Variants in ASZ1 observed in about 807,000 individuals in gnomAD.
The protein encoded by ASZ1 is ankyrin repeat, SAM and basic leucine zipper domain containing 1.
ASZ1 carries 67 observed loss-of-function variants against 61.8 expected under a neutral mutation model. The observed-to-expected ratio is 1.08, with a 90% CI of 0.89 to 1.33. ASZ1 has a LOEUF of 1.33. Ranked by LOEUF, ASZ1 falls within the 40% of genes most tolerant of loss-of-function variation. The probability of loss-of-function intolerance (pLI) is 0.00; values close to 1 mark genes in which losing one functional copy is unlikely to be tolerated. For missense variants in ASZ1, 577 were observed against 554.5 expected, an observed-to-expected ratio of 1.04 and a Z score of -0.41; for synonymous variants, 193 against 192.7, an observed-to-expected ratio of 1.00 and a Z score of -0.01.
intron 2 of ASZ1, among the ~76,000 whole-genome samples, chr7:117,426,054 G>C (rs1363380116): frequency 6.6e-6 from 1 of 151,984 alleles, no homozygotes; most frequent in Admixed American, 6.5e-5. Context: ...CCTCTTCCAA[G>C]AAACCAGAGT....
chr7:117,372,600 T>G (rs1159828330), intron 10 of ASZ1, among the ~76,000 whole-genome samples: 1 of 152,172 alleles, frequency 6.6e-6, no homozygotes, highest in Non-Finnish European at 1.5e-5. Flanking sequence ...ACAGGCCATT[T>G]AAAAAATTTG....
Position 117,412,039 on chromosome 7 carries a change from AGTGTGTGTGTGT to A in ASZ1, c.440+8112_440+8123del, listed in dbSNP as rs57672347. On this transcript the variant is annotated intron_variant, in intron 4 of 12. Coordinates refer to ENST00000284629, the MANE Select transcript of ASZ1 (RefSeq NM_130768.3). Reference sequence around the variant, plus strand: ...GAAAGATCCCAAACAAGTGAAAAGAAGTGTGTGTGTGTGTGTGTGTGTGTGTGTGTGTGTGTG... The same window carrying A: ...GAAAGATCCCAAACAAGTGAAAAGAAGTGTGTGTGTGTGTGTGTGTGTGTG... 4.8e-3 allele frequency among the ~76,000 whole-genome samples: 611 copies of A among 128,436 alleles called. 8 individuals carry two copies. In the East Asian group the frequency reaches 0.082, roughly 17 times the overall value. 84.3% of individuals were successfully genotyped at this position (128,436 alleles called of 152,430 possible). A position where few individuals can be genotyped will look rare whatever the true frequency, so the allele number is the denominator to read the frequency against.
At chr7:117,366,062 G>A (rs1795931142) in intron 12 of ASZ1, among the ~76,000 whole-genome samples, 1 of 152,192 alleles carries the variant, frequency 6.6e-6, no homozygotes, top group African/African-American at 2.4e-5. Flanking sequence ...TCAGGAGTTT[G>A]AGACCAGTCT....
At chr7:117,364,945 T>C (rs1795905881) in intron 12 of ASZ1, among the ~76,000 whole-genome samples, 1 of 151,848 alleles carries the variant, frequency 6.6e-6, no homozygotes, top group African/African-American at 2.4e-5. Context: ...AAGTCTAGCC[T>C]TGACCTCTCC....
chr7:117,377,119 C>T (rs1562846838), intron 10 of ASZ1, among the ~76,000 whole-genome samples: 1 of 151,886 alleles, frequency 6.6e-6, no homozygotes, highest in Non-Finnish European at 1.5e-5. Flanking sequence ...CACATGGAAA[C>T]AAATAAAAAG....
At chr7:117,414,835 G>C (rs1562859759) in intron 4 of ASZ1, among the ~76,000 whole-genome samples, 1 of 152,116 alleles carries the variant, frequency 6.6e-6, no homozygotes, top group Non-Finnish European at 1.5e-5. Context: ...TGGCTGCATA[G>C]TATTCCATGG....
chr7:117,386,603 G>A (rs907063090), intron 4 of ASZ1, among the ~76,000 whole-genome samples: 1 of 152,002 alleles, frequency 6.6e-6, no homozygotes, highest in African/African-American at 2.4e-5. Flanking sequence ...TTCCTGAGTC[G>A]TCCTCAAGAT....
intron 4 of ASZ1, among the ~76,000 whole-genome samples, chr7:117,387,628 A>G (rs1417707968): frequency 6.6e-6 from 1 of 152,164 alleles, no homozygotes; most frequent in African/African-American, 2.4e-5. Context: ...CCCTGCCTTC[A>G]TAATCTGCTT....
chr7:117,365,927 T>C (rs746929825), intron 12 of ASZ1, among the ~76,000 whole-genome samples: 4 of 152,258 alleles, frequency 2.6e-5, no homozygotes, highest in Non-Finnish European at 5.9e-5. Context: ...AGCTATTATT[T>C]TGTATAATAG....
At chr7:117,422,589 A>C (rs1365173697) in intron 2 of ASZ1, among the ~76,000 whole-genome samples, 3 of 152,216 alleles carry the variant, frequency 2.0e-5, no homozygotes, top group African/African-American at 7.2e-5. Context: ...GATATGACTG[A>C]TGTTTTATCA....
chr7:117,366,947 C>T (rs1417154911), intron 12 of ASZ1, among the ~76,000 whole-genome samples: 25 of 152,138 alleles, frequency 1.6e-4, no homozygotes, highest in Non-Finnish European at 1.0e-4. Context: ...AAGTTGTTCT[C>T]CTAGTATAGA....
chr7:117,384,810 C>A lies in ASZ1; in HGVS notation c.603G>T (p.Leu201Phe). Reference protein sequence around the residue: ...RQGHKNIVLKLLELGANKMLQ... With the variant: ...RQGHKNIVLKFLELGANKMLQ... ...GCATTTTATTAGCTCCAAGTTCAAG[C>A]AACTTCAAAACTATATTTTTATGAC... is the stretch of plus-strand genomic sequence containing the variant. Residue 201 changes from leucine to phenylalanine, a missense_variant, in exon 6 of 13, where the codon TTG (leucine) becomes TTT (phenylalanine). Coordinates refer to ENST00000284629, the MANE Select transcript of ASZ1 (RefSeq NM_130768.3). 6.2e-7 allele frequency: 1 copy of A among 1,609,556 alleles called. No homozygotes were observed. The highest frequency in any genetic ancestry group is 8.5e-7 in the Non-Finnish European group (1 of 1,178,438).
chr7:117,415,771 CA>C (rs1265862260), intron 4 of ASZ1, among the ~76,000 whole-genome samples: 12 of 151,768 alleles, frequency 7.9e-5, no homozygotes, highest in Non-Finnish European at 1.6e-4. Flanking sequence ...AAAACAACAA[CA>C]AAAAAAGGTA....
intron 10 of ASZ1, among the ~76,000 whole-genome samples, chr7:117,368,949 CT>C (rs1765986725): frequency 2.0e-5 from 3 of 152,224 alleles, no homozygotes; most frequent in Admixed American, 1.3e-4. Context: ...ACAATTACAG[CT>C]TTATTATTCA....
At chr7:117,385,414 C>G (rs1032019213) in intron 5 of ASZ1, among the ~76,000 whole-genome samples, 6 of 152,000 alleles carry the variant, frequency 3.9e-5, no homozygotes, top group African/African-American at 7.3e-5. Context: ...CACGTGCCAC[C>G]ATGCCTGGCT....
chr7:117,399,326 A>AACCT (rs1303250865), intron 4 of ASZ1, among the ~76,000 whole-genome samples: 1 of 152,208 alleles, frequency 6.6e-6, no homozygotes, highest in African/African-American at 2.4e-5. Flanking sequence ...TTGAGGAATG[A>AACCT]ACCTCTAGGA....
chr7:117,385,442 G>A (rs1004459316), intron 5 of ASZ1, among the ~76,000 whole-genome samples: 26 of 151,824 alleles, frequency 1.7e-4, no homozygotes, highest in African/African-American at 6.0e-4. Context: ...TGTATTTTTA[G>A]TAGAGACAGG....
rs113501399 is a variant in ASZ1 at position 117,427,363 on chromosome 7, G to T, written c.98C>A (p.Thr33Lys). The T allele has an allele frequency of 1.1e-5, 17 of 1,614,192 alleles. No homozygotes were observed. In the African/African-American group the frequency reaches 1.1e-4, roughly 10 times the overall value. Residue 33 changes from threonine (T) to lysine (K), a missense_variant, in exon 1 of 13, where the codon ACG (threonine) becomes AAG (lysine). By Grantham distance (78) the Thr-to-Lys change is moderately conservative. Transcript: ENST00000284629. ...CAAGGCCTCCTCCGCTACCTGAGACGTCCGGTCGAGATACCCAATCTCCCA... is the reference window on the plus strand; with the variant it reads ...CAAGGCCTCCTCCGCTACCTGAGACTTCCGGTCGAGATACCCAATCTCCCA... ...DGWEIGYLDR[T>K]SQKLKRLLPI...
At chr7:117,363,845 C>A in intron 12 of ASZ1, 97 bp from the exon 13 acceptor site, 1 of 1,038,290 alleles carries the variant, frequency 9.6e-7, no homozygotes, top group Non-Finnish European at 1.3e-6. Context: ...CATGTTAATT[C>A]ATTTCACTTG....
Sources: gnomAD v4.1 joint callset for allele counts (sites outside exome capture counted in the v4.1 genomes callset) on GRCh38, gnomAD v4.1.1 for gene constraint, MANE v1.5 for transcripts, NCBI Gene and HGNC (gene_info 2026-07-23, HGNC 2026-07-21) for gene names.